CAMSAP1: variants seen among roughly 807,000 people sequenced by gnomAD.
CAMSAP1 encodes the protein calmodulin regulated spectrin associated protein 1, also known as calmodulin-regulated spectrin-associated protein 1.
Under a neutral mutation model 143.5 loss-of-function variants are expected in CAMSAP1, and 58 were observed. The ratio of observed to expected loss-of-function variants is 0.40; its 90% CI spans 0.33 to 0.50. The LOEUF is 0.50. Among genes scored for constraint, CAMSAP1 ranks in the 20% least tolerant of loss-of-function variants. The pLI is 0.45. For missense variants in CAMSAP1, 1,969 were observed against 2,115.7 expected (o/e 0.93, Z 1.36); for synonymous variants, 945 against 859.3 (o/e 1.10, Z -1.74).
rs1234585859 is a variant in CAMSAP1 at position 135,818,782 on chromosome 9, C to A, written c.3960-166G>T. On this transcript the variant is annotated intron_variant, in intron 12 of 16. Coordinates refer to ENST00000389532, the MANE Select transcript of CAMSAP1 (RefSeq NM_015447.4). This position sits in a 1 kb window ranked among gnomAD's most constrained non-coding sequence, Gnocchi z 7.7. Reference sequence around the variant, plus strand: ...CACAGAGGCTGCAAAGGCAGTCCTGCAGATGACCCACCGAGGCCACACAGC... The same window carrying A: ...CACAGAGGCTGCAAAGGCAGTCCTGAAGATGACCCACCGAGGCCACACAGC... The A allele has an allele frequency of 1.3e-5, 14 of 1,065,116 alleles. No individual in the cohort carries two copies. The highest frequency in any genetic ancestry group is 1.9e-5 in the Non-Finnish European group (14 of 754,002). 66.0% of individuals were successfully genotyped at this position (1,065,116 alleles called of 1,614,324 possible).
At position 135,892,848 on chromosome 9, in the gene CAMSAP1, C is replaced by CAAAAAAAAAAAAAAAAAAAAAAAAAA. The variant is rs59978082; in HGVS notation, c.161-9771_161-9770insTTTTTTTTTTTTTTTTTTTTTTTTTT. On this transcript the variant is annotated intron_variant, in intron 1 of 16. Transcript: ENST00000389532. Reference sequence around the variant, plus strand: ...CCTGGGCAACAGAGCAAGACTGTCTCAAAAAAAAAAAAAAAAAAAGAACTA... The same window carrying CAAAAAAAAAAAAAAAAAAAAAAAAAA: ...CCTGGGCAACAGAGCAAGACTGTCTCAAAAAAAAAAAAAAAAAAAAAAAAAAAAAAAAAAAAAAAAAAAAAGAACTA... Among the ~76,000 whole-genome samples, 56 of 42,044 alleles carry CAAAAAAAAAAAAAAAAAAAAAAAAAA rather than the reference C, an allele frequency of 1.3e-3. 1 individual carries two copies. The highest frequency in any genetic ancestry group is 1.5e-3 in the Non-Finnish European group (36 of 23,592). 27.6% of individuals were successfully genotyped at this position (42,044 alleles called of 152,430 possible). A position where few individuals can be genotyped will look rare whatever the true frequency, so the allele number is the denominator to read the frequency against.
At chr9:135,869,269 G>A (rs1213704443) in intron 3 of CAMSAP1, among the ~76,000 whole-genome samples, 1 of 152,122 alleles carries the variant, frequency 6.6e-6, no homozygotes, top group Non-Finnish European at 1.5e-5. Context: ...TTGGGAGGCT[G>A]AAGCAGATGG....
In CAMSAP1 at chr9:135,858,054, T is replaced by C. The variant is rs934485024; in HGVS notation, c.808+4413A>G. On this transcript the variant is annotated intron_variant, in intron 5 of 16. Transcript: ENST00000389532. ...CAAGGAATCCACCCTCAGGCACTGC[T>C]GTCCACCAGCATCCTTGGTGCTCCG... is the stretch of plus-strand genomic sequence containing the variant. 8.5e-5 allele frequency among the ~76,000 whole-genome samples: 13 copies of C among 152,200 alleles called. No individual in the cohort carries two copies. In the East Asian group the frequency reaches 1.9e-3, roughly 23 times the overall value.
At chr9:135,899,959 C>T (rs1013294019) in intron 1 of CAMSAP1, among the ~76,000 whole-genome samples, 1 of 152,162 alleles carries the variant, frequency 6.6e-6, no homozygotes, top group African/African-American at 2.4e-5. Context: ...ACTTCCATTG[C>T]TACAGGAGGC....
chr9:135,893,282 AG>A (rs1838345142), intron 1 of CAMSAP1, among the ~76,000 whole-genome samples: 1 of 149,670 alleles, frequency 6.7e-6, no homozygotes, highest in Non-Finnish European at 1.5e-5. Context: ...AAAGAAAAAA[AG>A]AAAAAAGGCA....
intron 7 of CAMSAP1, among the ~76,000 whole-genome samples, chr9:135,835,582 A>G (rs184234813): frequency 6.6e-6 from 1 of 152,328 alleles, no homozygotes; most frequent in East Asian, 1.9e-4. Flanking sequence ...ATCCCATGAG[A>G]AGAAACCAAG....
chr9:135,848,583 G>A (rs1365555021), intron 7 of CAMSAP1, among the ~76,000 whole-genome samples: 1 of 152,074 alleles, frequency 6.6e-6, no homozygotes, highest in Non-Finnish European at 1.5e-5. Context: ...ACACAGTGGA[G>A]CTCTGCCTGC....
intron 5 of CAMSAP1, among the ~76,000 whole-genome samples, chr9:135,858,655 CAG>C (rs931782449): frequency 2.6e-5 from 4 of 152,206 alleles, no homozygotes; most frequent in Non-Finnish European, 5.9e-5. Context: ...ATCACAAAGA[CAG>C]AGAAATCCCA....
intron 5 of CAMSAP1, among the ~76,000 whole-genome samples, chr9:135,852,716 A>C (rs754016428): frequency 4.6e-5 from 7 of 152,190 alleles, no homozygotes; most frequent in Non-Finnish European, 8.8e-5. Flanking sequence ...TTGGTAATGC[A>C]AAGTTAAGCA....
At chr9:135,833,680 TAAACTA>T (rs140802137) in intron 7 of CAMSAP1, among the ~76,000 whole-genome samples, 7,637 of 152,230 alleles carry the variant, frequency 0.05, 258 homozygotes, top group East Asian at 0.15. Context: ...ACTGAAGACT[TAAACTA>T]AGACTAATTA....
chr9:135,880,289 C>T (rs1284729942), intron 3 of CAMSAP1, among the ~76,000 whole-genome samples: 1 of 152,130 alleles, frequency 6.6e-6, no homozygotes, highest in Non-Finnish European at 1.5e-5. Flanking sequence ...TGCACGCCGC[C>T]AGGTGAGAGC....
intron 1 of CAMSAP1, among the ~76,000 whole-genome samples, chr9:135,885,159 C>T (rs1165547362): frequency 6.6e-6 from 1 of 152,190 alleles, no homozygotes; most frequent in Non-Finnish European, 1.5e-5. Context: ...AGGCCAGCTG[C>T]CCCTCACTTC....
chr9:135,852,362 A>T (rs1365820944), intron 5 of CAMSAP1, among the ~76,000 whole-genome samples: 1 of 152,194 alleles, frequency 6.6e-6, no homozygotes, highest in Non-Finnish European at 1.5e-5. Context: ...GGTTACATTT[A>T]ACAATCTTTT....
At chr9:135,838,035 CT>C (rs1588461000) in intron 7 of CAMSAP1, among the ~76,000 whole-genome samples, 1 of 115,242 alleles carries the variant, frequency 8.7e-6, no homozygotes, top group East Asian at 3.1e-4. Context: ...TTTCTACCCC[CT>C]GTACAGACAC....
intron 4 of CAMSAP1, among the ~76,000 whole-genome samples, chr9:135,864,108 A>G (rs1426988204): frequency 6.6e-6 from 1 of 152,096 alleles, no homozygotes; most frequent in South Asian, 2.1e-4. Flanking sequence ...TTTACTGAAC[A>G]CTGGGGTCGG....
Position 135,862,423 on chromosome 9 carries a change from T to C in CAMSAP1, c.808+44A>G, listed in dbSNP as rs117448428. 38 of 1,547,000 alleles carry C rather than the reference T, an allele frequency of 2.5e-5. No homozygotes were observed. In the East Asian group the frequency reaches 3.4e-4, roughly 14 times the overall value. ...GATCAATGTACACTATAATTTTCCT[T>C]TAAGCCTTTTCGGATCTGTTTCAGG... On this transcript the variant is annotated intron_variant, in intron 5 of 16. Transcript: ENST00000389532.
chr9:135,903,776 T>C (rs955481703), intron 1 of CAMSAP1, among the ~76,000 whole-genome samples: 2 of 152,216 alleles, frequency 1.3e-5, no homozygotes, highest in Non-Finnish European at 2.9e-5. Flanking sequence ...GAAAGAACCA[T>C]GTCTGATTAA....
chr9:135,825,793 G>A (rs1449169844), intron 8 of CAMSAP1, among the ~76,000 whole-genome samples: 16 of 152,188 alleles, frequency 1.1e-4, no homozygotes, highest in Admixed American at 1.0e-3. Context: ...CGGCACCCTA[G>A]GCCAGAGTCA....
Position 135,818,134 on chromosome 9 carries a change from C to T in CAMSAP1, c.4169-55G>A. 1.9e-6 allele frequency: 3 copies of T among 1,544,188 alleles called. No homozygotes were observed. Among genetic ancestry groups the T allele is most frequent in the South Asian group, 2.3e-5 (2 of 87,764 alleles). ...ATGAACGGATTCCGACAGACAAGTA[C>T]CTGTCCCCTGTACCTGTTCCCCTCA... On this transcript the variant is annotated intron_variant, in intron 13 of 16. Coordinates refer to ENST00000389532, the MANE Select transcript of CAMSAP1 (RefSeq NM_015447.4). This position sits in a 1 kb window ranked among gnomAD's most constrained non-coding sequence, Gnocchi z 7.7.
Sources: allele counts gnomAD v4.1 joint callset (sites outside exome capture counted in the v4.1 genomes callset), GRCh38; gene constraint gnomAD v4.1.1; non-coding constraint Gnocchi (gnomAD v3.1); transcripts MANE v1.5; gene names NCBI Gene and HGNC (gene_info 2026-07-23, HGNC 2026-07-21).